Variants in AGBL4 observed in about 807,000 individuals in gnomAD.
AGBL4 encodes the protein cytosolic carboxypeptidase 6.
A neutral mutation model predicts 66.4 loss-of-function variants in AGBL4; 58 were observed. The ratio of observed to expected loss-of-function variants is 0.87; its 90% CI spans 0.71 to 1.09. The LOEUF (loss-of-function observed/expected upper bound fraction) is 1.09. AGBL4 is among the 50% of genes least tolerant of loss of function. The pLI, the probability that AGBL4 is intolerant of heterozygous loss-of-function variation, is 0.00. For synonymous variants in AGBL4, 234 were observed against 222.9 expected, an observed-to-expected ratio of 1.05 and a Z score of -0.44; for missense variants, 579 against 631.0, an observed-to-expected ratio of 0.92 and a Z score of 0.88.
At chr1:49,051,641 T>C (rs1418191118) in intron 4 of AGBL4, among the ~76,000 whole-genome samples, 16 of 152,146 alleles carry the variant, frequency 1.1e-4, no homozygotes, top group Non-Finnish European at 1.5e-5. Context: ...CCCCTCCTTT[T>C]CCTCTTTGAT....
chr1:48,858,977 A>G (rs1172678632), intron 6 of AGBL4, among the ~76,000 whole-genome samples: 1 of 152,090 alleles, frequency 6.6e-6, no homozygotes, highest in Non-Finnish European at 1.5e-5. Flanking sequence ...GCACTTCCCT[A>G]TGGGAAGATT....
At chr1:49,568,668 T>A (rs1644266394) in intron 3 of AGBL4, among the ~76,000 whole-genome samples, 1 of 152,150 alleles carries the variant, frequency 6.6e-6, no homozygotes, top group Non-Finnish European at 1.5e-5. Context: ...ATTTTAAAAT[T>A]CATATGGCAC....
At chr1:49,312,643 C>A (rs982212283) in intron 3 of AGBL4, among the ~76,000 whole-genome samples, 1 of 151,872 alleles carries the variant, frequency 6.6e-6, no homozygotes, top group African/African-American at 2.4e-5. Flanking sequence ...AGAAAAACAA[C>A]CCAATTAAAC....
intron 1 of AGBL4, among the ~76,000 whole-genome samples, chr1:49,874,485 C>T (rs1191343592): frequency 1.3e-5 from 2 of 152,064 alleles, no homozygotes; most frequent in African/African-American, 2.4e-5. Context: ...TCTTTCAATG[C>T]TTAAAAGGGA....
intron 4 of AGBL4, among the ~76,000 whole-genome samples, chr1:49,077,697 T>C (rs188739138): frequency 1.1e-3 from 168 of 152,274 alleles, no homozygotes; most frequent in African/African-American, 3.9e-3. Context: ...ATAAAATCTA[T>C]GTAAATAAAC....
intron 4 of AGBL4, among the ~76,000 whole-genome samples, chr1:49,050,692 A>T (rs1644192525): frequency 6.6e-6 from 1 of 152,112 alleles, no homozygotes; most frequent in African/African-American, 2.4e-5. Flanking sequence ...GCATCTCTGT[A>T]TAGAGAAGTG....
rs376978093 is a variant in AGBL4, at chr1:49,285,578, A to C, written c.283-39714T>G. Among the ~76,000 whole-genome samples the C allele has an allele frequency of 7.8e-4, 119 of 152,316 alleles. 4 individuals are homozygous for C. In the South Asian group the frequency reaches 0.022, roughly 28 times the overall value. On this transcript the variant is annotated intron_variant, in intron 3 of 13. Coordinates refer to ENST00000371839, the MANE Select transcript of AGBL4 (RefSeq NM_032785.4). ...AACCCTTCAAAAAATTAATGAATCC[A>C]GGAGCTGGTTTTTTGAAAGGATCAA...
chr1:48,823,260 C>A (rs1646354730), intron 6 of AGBL4, among the ~76,000 whole-genome samples: 1 of 152,214 alleles, frequency 6.6e-6, no homozygotes, highest in Admixed American at 6.5e-5. Flanking sequence ...CATCTATCAC[C>A]TCTGGTTCCC....
chr1:48,668,692 G>T (rs959688629), intron 6 of AGBL4, among the ~76,000 whole-genome samples: 7 of 152,186 alleles, frequency 4.6e-5, no homozygotes, highest in Admixed American at 4.6e-4. Context: ...GTTCATCCAG[G>T]ACTTGGACTG....
At chr1:49,044,381 C>T (rs540089552) in intron 5 of AGBL4, among the ~76,000 whole-genome samples, 47 of 151,868 alleles carry the variant, frequency 3.1e-4, no homozygotes, top group Admixed American at 1.4e-3. Context: ...CCCAGCTACT[C>T]GGGAGGCTGA....
chr1:48,936,617 G>C (rs1655500529), intron 5 of AGBL4, among the ~76,000 whole-genome samples: 2 of 152,140 alleles, frequency 1.3e-5, no homozygotes, highest in South Asian at 4.1e-4. Context: ...AGTACTTGCT[G>C]GCATTGAAGT....
At chr1:49,134,719 T>A (rs1335356370) in intron 4 of AGBL4, among the ~76,000 whole-genome samples, 1 of 151,994 alleles carries the variant, frequency 6.6e-6, no homozygotes, top group Non-Finnish European at 1.5e-5. Flanking sequence ...CAAACACACA[T>A]GCTTTATGAA....
At chr1:49,128,034 T>C (rs1645801494) in intron 4 of AGBL4, among the ~76,000 whole-genome samples, 1 of 151,888 alleles carries the variant, frequency 6.6e-6, no homozygotes, top group African/African-American at 2.4e-5. Flanking sequence ...TGTAATGAAA[T>C]TAGCATATAA....
At chr1:48,635,665 G>A (rs912314776) in intron 8 of AGBL4, among the ~76,000 whole-genome samples, 2 of 152,144 alleles carry the variant, frequency 1.3e-5, no homozygotes, top group African/African-American at 4.8e-5. Context: ...TTCTACAAAT[G>A]GACCACAAGC....
At chr1:49,386,267 G>C in intron 3 of AGBL4, among the ~76,000 whole-genome samples, 1 of 22,900 alleles carries the variant, frequency 4.4e-5, no homozygotes, top group East Asian at 3.8e-4. Flanking sequence ...ATGGATGGAT[G>C]TGTGTGTGTG....
intron 1 of AGBL4, among the ~76,000 whole-genome samples, chr1:49,895,130 A>T (rs1002750022): frequency 6.6e-6 from 1 of 151,978 alleles, no homozygotes; most frequent in Non-Finnish European, 1.5e-5. Flanking sequence ...TGAAAGAAAA[A>T]ACTTTTATCC....
chr1:49,868,626 G>A (rs532144800), intron 1 of AGBL4, among the ~76,000 whole-genome samples: 2 of 152,052 alleles, frequency 1.3e-5, no homozygotes, highest in African/African-American at 2.4e-5. Context: ...AGACTTAAAT[G>A]TAAAACGCAA....
At chr1:48,575,589 C>G (rs1290468100) in intron 11 of AGBL4, among the ~76,000 whole-genome samples, 1 of 152,146 alleles carries the variant, frequency 6.6e-6, no homozygotes, top group Non-Finnish European at 1.5e-5. Flanking sequence ...ACCCAAGGCC[C>G]AGACATGTCC....
chr1:49,663,192 G>A (rs1470136129), intron 3 of AGBL4, among the ~76,000 whole-genome samples: 1 of 152,098 alleles, frequency 6.6e-6, no homozygotes, highest in Non-Finnish European at 1.5e-5. Context: ...TGGAATATAA[G>A]AAGACATAGA....
Sources: gnomAD v4.1 joint callset for allele counts (sites outside exome capture counted in the v4.1 genomes callset) on GRCh38, gnomAD v4.1.1 for gene constraint, MANE v1.5 for transcripts, NCBI Gene and HGNC (gene_info 2026-07-23, HGNC 2026-07-21) for gene names.